The following ECPAS variants were observed in gnomAD, a reference collection of about 807,000 sequenced individuals.
ECPAS encodes Ecm29 proteasome adaptor and scaffold, also known as proteasome adapter and scaffold protein ECM29.
In ECPAS, 70 loss-of-function variants were observed where a neutral mutation model predicts 255.1. The ratio of observed to expected loss-of-function variants is 0.27; its 90% CI spans 0.23 to 0.33. The LOEUF (loss-of-function observed/expected upper bound fraction) is 0.33, where lower values mean the gene tolerates loss of function less well. ECPAS is among the 10% of genes least tolerant of loss of function. ECPAS has a pLI of 1.00. For synonymous variants in ECPAS, 784 were observed against 775.0 expected, an observed-to-expected ratio of 1.01 and a Z score of -0.19; for missense variants, 1,817 against 2,206.4, an observed-to-expected ratio of 0.82 and a Z score of 3.54.
At chr9:111,435,755 C>T (rs910138329) in intron 7 of ECPAS, among the ~76,000 whole-genome samples, 4 of 150,532 alleles carry the variant, frequency 2.7e-5, no homozygotes, top group Non-Finnish European at 5.9e-5. Context: ...TCTCGGCGCA[C>T]TGCAAGCTCT....
chr9:111,412,254 G>A, intron 20 of ECPAS, 106 bp from the exon 21 acceptor site: 1 of 965,760 alleles, frequency 1.0e-6, no homozygotes, highest in Non-Finnish European at 1.4e-6. Context: ...GATGGATATT[G>A]AGAAAAAAAC....
At chr9:111,400,669 A>C (rs2098174504) in intron 24 of ECPAS, among the ~76,000 whole-genome samples, 1 of 152,226 alleles carries the variant, frequency 6.6e-6, no homozygotes, top group Non-Finnish European at 1.5e-5. Flanking sequence ...CAACAGCAGA[A>C]CTGATCAAGT....
intron 15 of ECPAS, among the ~76,000 whole-genome samples, chr9:111,420,588 A>T (rs986126076): frequency 2.6e-5 from 4 of 152,230 alleles, no homozygotes; most frequent in African/African-American, 4.8e-5. Flanking sequence ...TAAATACTTC[A>T]AATTGAGCTT....
intron 1 of ECPAS, among the ~76,000 whole-genome samples, chr9:111,479,374 G>T (rs1281493930): frequency 6.7e-6 from 1 of 149,964 alleles, no homozygotes; most frequent in Non-Finnish European, 1.5e-5. Flanking sequence ...AGGAGGGGCG[G>T]ATCATGAGGT....
chr9:111,420,382 G>A (rs946088545), intron 15 of ECPAS, among the ~76,000 whole-genome samples: 16 of 152,064 alleles, frequency 1.1e-4, no homozygotes, highest in Non-Finnish European at 1.5e-4. Flanking sequence ...AGGTGAAGTA[G>A]GAAGACCTCC....
At chr9:111,445,427 A>T (rs530292038) in intron 3 of ECPAS, among the ~76,000 whole-genome samples, 1 of 151,976 alleles carries the variant, frequency 6.6e-6, no homozygotes, top group Admixed American at 6.6e-5. Flanking sequence ...GACATACAAG[A>T]TACAGTGGGT....
rs149031909 is a variant in ECPAS, at chr9:111,374,791, A to G, written c.4110+322T>C. Among the ~76,000 whole-genome samples, 81 of 152,298 alleles carry G rather than the reference A, an allele frequency of 5.3e-4. 1 individual carries two copies. The highest frequency in any genetic ancestry group is 1.8e-3 in the African/African-American group (75 of 41,564). ...CCCCTCTGTGAAAAATGCAATTGCC[A>G]CCTAAAACAATCCATGCCCTAATAA... On this transcript the variant is annotated intron_variant, in intron 38 of 49. Transcript: ENST00000684092.
At chr9:111,458,440 A>G (rs796874101) in intron 2 of ECPAS, among the ~76,000 whole-genome samples, 56 of 152,334 alleles carry the variant, frequency 3.7e-4, no homozygotes, top group African/African-American at 1.3e-3. Flanking sequence ...CAGTAACTGA[A>G]GTGCCTTTGT....
At chr9:111,410,959 C>A (rs746125834) in intron 22 of ECPAS, 21 bp downstream of exon 22, 1 of 1,579,450 alleles carries the variant, frequency 6.3e-7, no homozygotes, top group Non-Finnish European at 8.6e-7. Context: ...ACACCCAAAT[C>A]GACATAAAGA....
chr9:111,374,994 G>A, intron 38 of ECPAS, 119 bp downstream of exon 38: 1 of 708,328 alleles, frequency 1.4e-6, no homozygotes, highest in South Asian at 1.7e-5. Context: ...GAAATAAAAT[G>A]GTTAGTGTAT....
At chr9:111,461,092 T>C (rs2132019433) in intron 2 of ECPAS, among the ~76,000 whole-genome samples, 2 of 152,150 alleles carry the variant, frequency 1.3e-5, no homozygotes, top group East Asian at 3.9e-4. Flanking sequence ...TTTAAAGAAA[T>C]GCAAAGGACC....
In ECPAS at chr9:111,416,449, C is replaced by A. The variant is rs527496792; in HGVS notation, c.1684-97G>T. 375 of 841,280 alleles carry A rather than the reference C, an allele frequency of 4.5e-4. 2 individuals carry two copies. The South Asian group carries it at 5.5e-3, about 12-fold the overall frequency. The allele number at this position is 841,280 out of a possible 1,614,324, so 52.1% of individuals were successfully genotyped here. A position where few individuals can be genotyped will look rare whatever the true frequency, so the allele number is the denominator to read the frequency against. ...AACAACTGTGTTTCTAGCTACATGT[C>A]CTAAGTTTGCTTCTTTTTCTGATCA... is the stretch of plus-strand genomic sequence containing the variant. On this transcript the variant is annotated intron_variant, in intron 17 of 49. Coordinates refer to ENST00000684092, the MANE Select transcript of ECPAS (RefSeq NM_001364929.1).
chr9:111,369,877 C>G (rs1387729643), intron 45 of ECPAS, among the ~76,000 whole-genome samples: 1 of 152,144 alleles, frequency 6.6e-6, no homozygotes, highest in Non-Finnish European at 1.5e-5. Flanking sequence ...CTTGCCTTTA[C>G]TCTAGGATGG....
chr9:111,447,671 T>C (rs1184879295), intron 3 of ECPAS, among the ~76,000 whole-genome samples: 1 of 152,112 alleles, frequency 6.6e-6, no homozygotes, highest in Non-Finnish European at 1.5e-5. Flanking sequence ...CCATTTCCCC[T>C]ATTCCAAAAG....
At chr9:111,430,526 G>A in intron 9 of ECPAS, 21 bp downstream of exon 9, 2 of 1,468,810 alleles carry the variant, frequency 1.4e-6, no homozygotes, top group Admixed American at 1.8e-5. Flanking sequence ...GCTGATGTGA[G>A]AATAAATCAA....
rs1241379546 is a variant in ECPAS at position 111,484,153 on chromosome 9, C to G, written c.-120G>C. On this transcript the variant is annotated 5_prime_UTR_variant, in exon 1 of 50. Coordinates refer to ENST00000684092, the MANE Select transcript of ECPAS (RefSeq NM_001364929.1). Reference sequence around the variant, plus strand: ...CGGTCTCCATGCCGCGGACGCTGCGCTCGGCGCCGCGAGGTGAGGGCTGTA... The same window carrying G: ...CGGTCTCCATGCCGCGGACGCTGCGGTCGGCGCCGCGAGGTGAGGGCTGTA... 4.1e-6 allele frequency: 6 copies of G among 1,470,100 alleles called. No individual in the cohort carries two copies. Among genetic ancestry groups the G allele is most frequent in the South Asian group, 1.3e-5 (1 of 77,466 alleles). 91.1% of individuals were successfully genotyped at this position (1,470,100 alleles called of 1,614,324 possible).
intron 31 of ECPAS, 75 bp from the exon 32 acceptor site, chr9:111,386,531 T>C (rs2098148857): frequency 1.2e-6 from 1 of 849,988 alleles, no homozygotes; most frequent in Non-Finnish European, 1.9e-6. Flanking sequence ...TTAACCACAC[T>C]GGTTAACCAC....
At chr9:111,465,296 T>C (rs889861488) in intron 2 of ECPAS, among the ~76,000 whole-genome samples, 12 of 151,786 alleles carry the variant, frequency 7.9e-5, no homozygotes, top group Admixed American at 7.9e-4. Flanking sequence ...TCCCAGCACT[T>C]TGGGAGGCCG....
rs373470150 is a variant in ECPAS, at chr9:111,383,200, C to A, written c.3803+11G>T. ...AAATCCAATACATTCATTTCATCAA[C>A]GGATGCACACCTGAGGGCTCGAACT... On this transcript the variant is annotated intron_variant, in intron 35 of 49. Coordinates refer to ENST00000684092, the MANE Select transcript of ECPAS (RefSeq NM_001364929.1). The A allele has an allele frequency of 6.2e-7, 1 of 1,612,582 alleles. No homozygotes were observed. Among genetic ancestry groups the A allele is most frequent in the South Asian group, 1.1e-5 (1 of 90,986 alleles).
Sources: gnomAD v4.1 joint callset for allele counts (sites outside exome capture counted in the v4.1 genomes callset) on GRCh38, gnomAD v4.1.1 for gene constraint, MANE v1.5 for transcripts, NCBI Gene and HGNC (gene_info 2026-07-23, HGNC 2026-07-21) for gene names.